Variants in FABP5 observed in about 807,000 individuals in gnomAD.
FABP5 encodes fatty acid-binding protein 5.
In FABP5, 7 loss-of-function variants were observed where a neutral mutation model predicts 16.9. That is an observed-to-expected ratio of 0.41 (90% CI 0.24 to 0.78). The LOEUF is 0.78. Ranked by LOEUF, FABP5 falls within the 30% of genes least tolerant of loss-of-function variation. FABP5 has a pLI of 0.30. For synonymous variants in FABP5, 37 were observed against 52.8 expected (o/e 0.70, Z 1.30); for missense variants, 119 against 159.5 (o/e 0.75, Z 1.37).
rs770055478 is a variant in FABP5 at position 81,283,876 on chromosome 8, G to C, written c.256G>C (p.Val86Leu). 1.2e-5 allele frequency: 20 copies of C among 1,610,564 alleles called. 1 individual carries two copies. In the South Asian group the frequency reaches 1.8e-4, roughly 14 times the overall value. The change falls in exon 3 of 4, where the codon GTC becomes CTC. Residue 86 changes from valine (V) to leucine (L), a missense_variant. Physicochemically the swap from Val to Leu is conservative, Grantham distance 32 (BLOSUM62 1). Transcript: ENST00000297258. ...AACGTTTACTTTGTTTTTGCAGACT[G>C]TCTGCAACTTTACAGATGGTGCATT... ...TTADGRKTQT[V>L]CNFTDGALVQ...
intron 1 of FABP5, among the ~76,000 whole-genome samples, chr8:81,282,167 A>AGTGTGTGTGTGTGTGTGT (rs10700115): frequency 6.8e-6 from 1 of 147,692 alleles, no homozygotes. Context: ...AATAAATAAC[A>AGTGTGTGTGTGTGTGTGT]GTGTGTGTGT....
intron 1 of FABP5, chr8:81,280,923 C>A (rs1034334714): frequency 3.0e-5 from 15 of 497,862 alleles, no homozygotes; most frequent in South Asian, 4.7e-5. Context: ...AGGTGGTCCA[C>A]CCCGTGGTCC....
In FABP5 at chr8:81,280,750, G is replaced by A. The variant is rs975956247; in HGVS notation, c.79+76G>A. 5.1e-6 allele frequency: 7 copies of A among 1,369,500 alleles called. No individual in the cohort carries two copies. In the Admixed American group the frequency reaches 1.4e-4, roughly 28 times the overall value. The allele number at this position is 1,369,500 out of a possible 1,614,324, so 84.8% of individuals were successfully genotyped here. ...TCTGTCCCTAGGTCCCCGTCAGCGTGCCAGATTCTGGGGCAGGAGATGCTC... is the reference window on the plus strand; with the variant it reads ...TCTGTCCCTAGGTCCCCGTCAGCGTACCAGATTCTGGGGCAGGAGATGCTC... On this transcript the variant is annotated intron_variant, in intron 1 of 3. Transcript: ENST00000297258.
rs1453466821 is a variant in FABP5, at chr8:81,281,548, C to T, written c.79+874C>T. 2 of 985,682 alleles carry T rather than the reference C, an allele frequency of 2.0e-6. No homozygotes were observed. The highest frequency in any genetic ancestry group is 1.7e-5 in the African/African-American group (1 of 57,248). The allele number at this position is 985,682 out of a possible 1,614,324, so 61.1% of individuals were successfully genotyped here. A position where few individuals can be genotyped will look rare whatever the true frequency, so the allele number is the denominator to read the frequency against. ...GGGTGAGGAGGAAGGAGGCAGTGGGCTTTGCTGGAAAACCGTAACAGAAAC... is the reference window on the plus strand; with the variant it reads ...GGGTGAGGAGGAAGGAGGCAGTGGGTTTTGCTGGAAAACCGTAACAGAAAC... On this transcript the variant is annotated intron_variant, in intron 1 of 3. Transcript: ENST00000297258. This position sits in a 1 kb window ranked among gnomAD's most constrained non-coding sequence, Gnocchi z 4.5.
chr8:81,281,238 G>T lies in FABP5; in HGVS notation c.79+564G>T, dbSNP rs1008451820. ...ACGCGGTGCTGGCGCGCAGTTTCCC[G>T]CAGAAATCCTGTGGAGGGGTCTGAG... On this transcript the variant is annotated intron_variant, in intron 1 of 3. Coordinates refer to ENST00000297258, the MANE Select transcript of FABP5 (RefSeq NM_001444.3). The surrounding 1 kb of genome is among the most constrained non-coding windows in gnomAD (Gnocchi z 4.5). 5.0e-5 allele frequency: 35 copies of T among 697,336 alleles called. No individual in the cohort carries two copies. In the Admixed American group the frequency reaches 2.1e-3, roughly 41 times the overall value. 43.2% of individuals were successfully genotyped at this position (697,336 alleles called of 1,614,324 possible).
intron 1 of FABP5, among the ~76,000 whole-genome samples, chr8:81,282,431 G>C (rs916010897): frequency 2.6e-5 from 4 of 152,136 alleles, no homozygotes; most frequent in Non-Finnish European, 5.9e-5. Context: ...AAAAGAGAAG[G>C]CTCCAAGGGG....
chr8:81,281,783 A>G lies in FABP5; in HGVS notation c.79+1109A>G, dbSNP rs1431561797. ...GACACTGGATAAATTGCAAACAAAA[A>G]TGGACCTTTGTCACAGGCCACTAGG... On this transcript the variant is annotated intron_variant, in intron 1 of 3. Transcript: ENST00000297258. This position sits in a 1 kb window ranked among gnomAD's most constrained non-coding sequence, Gnocchi z 4.5. 1.6e-6 allele frequency: 1 copy of G among 634,866 alleles called. No individual in the cohort carries two copies. Among genetic ancestry groups the G allele is most frequent in the Admixed American group, 6.3e-5 (1 of 15,836 alleles). The allele number at this position is 634,866 out of a possible 1,614,324, so 39.3% of individuals were successfully genotyped here. A position where few individuals can be genotyped will look rare whatever the true frequency, so the allele number is the denominator to read the frequency against.
chr8:81,280,716 G>T, intron 1 of FABP5, 42 bp downstream of exon 1: 1 of 1,530,822 alleles, frequency 6.5e-7, no homozygotes, highest in Non-Finnish European at 8.9e-7. Context: ...GTGGCGTGTT[G>T]TGCGGTCGTC....
chr8:81,280,748 G>C, intron 1 of FABP5, 74 bp downstream of exon 1: 1 of 1,384,782 alleles, frequency 7.2e-7, no homozygotes, highest in South Asian at 1.3e-5. Context: ...CCCCGTCAGC[G>C]TGCCAGATTC....
In FABP5 at chr8:81,281,143, C is replaced by T. The variant is rs414930; in HGVS notation, c.79+469C>T. The T allele has an allele frequency of 0.76, 127,729 of 167,324 alleles. 53,027 individuals carry two copies. Among genetic ancestry groups the T allele is most frequent in the East Asian group, 1 (5,211 of 5,218 alleles). 10.4% of individuals were successfully genotyped at this position (167,324 alleles called of 1,614,324 possible). On this transcript the variant is annotated intron_variant, in intron 1 of 3. Transcript: ENST00000297258. This position sits in a 1 kb window ranked among gnomAD's most constrained non-coding sequence, Gnocchi z 4.5. ...TTACCCCATCGTGGCAGCACCCACT[C>T]CCCTTTCCCTCCCTGTCGCATCTTT...
chr8:81,282,059 T>C (rs2131267816), intron 1 of FABP5, among the ~76,000 whole-genome samples: 1 of 152,320 alleles, frequency 6.6e-6, no homozygotes, highest in South Asian at 2.1e-4. Flanking sequence ...ATCATGAGTG[T>C]ATTTTTGATA....
chr8:81,282,284 T>C (rs975093583), intron 1 of FABP5, among the ~76,000 whole-genome samples: 2 of 152,088 alleles, frequency 1.3e-5, no homozygotes, highest in Non-Finnish European at 2.9e-5. Flanking sequence ...TCCAGGATTC[T>C]GGAGTCTTGA....
At position 81,283,351 on chromosome 8, in the gene FABP5, CTT is replaced by C. The variant is rs1807864653; in HGVS notation, c.80-14_80-13del. ...TTGGTCTTCCTGTTATTTAACATGA[CTT>C]AACATTCTACAGGAGTGGGAATAGC... On this transcript the variant is annotated splice_polypyrimidine_tract_variant and intron_variant, in intron 1 of 3. Transcript: ENST00000297258. 2 of 1,565,932 alleles carry C rather than the reference CTT, an allele frequency of 1.3e-6. No individual in the cohort carries two copies. The highest frequency in any genetic ancestry group is 2.7e-5 in the African/African-American group (2 of 72,754).
intron 1 of FABP5, chr8:81,283,106 A>T: frequency 3.3e-6 from 1 of 306,794 alleles, no homozygotes; most frequent in Non-Finnish European, 6.0e-6. Context: ...ATCTTGGGCA[A>T]GTTACTTCCG....
chr8:81,280,832 G>C lies in FABP5; in HGVS notation c.79+158G>C, dbSNP rs1807815979. The C allele has an allele frequency of 6.0e-6, 4 of 664,822 alleles. No individual in the cohort carries two copies. In the South Asian group the frequency reaches 7.4e-5, roughly 12 times the overall value. The allele number at this position is 664,822 out of a possible 1,614,324, so 41.2% of individuals were successfully genotyped here. A position where few individuals can be genotyped will look rare whatever the true frequency, so the allele number is the denominator to read the frequency against. On this transcript the variant is annotated intron_variant, in intron 1 of 3. Transcript: ENST00000297258. ...CCACCACGCGGCCGTTGGGTGCAGC[G>C]CGCGCAGCACCACGCGGGCAGGCGG...
At chr8:81,283,650 G>GA (rs2131268897) in intron 2 of FABP5, 112 bp downstream of exon 2, 2 of 1,249,620 alleles carry the variant, frequency 1.6e-6, no homozygotes, top group South Asian at 3.3e-5. Flanking sequence ...TTTATGAATT[G>GA]AATTTTGTCA....
chr8:81,281,073 C>CGAGA lies in FABP5; in HGVS notation c.79+399_79+400insGAGA. The CGAGA allele has an allele frequency of 5.7e-6, 1 of 176,804 alleles. No homozygotes were observed. The highest frequency in any genetic ancestry group is 1.2e-5 in the Non-Finnish European group (1 of 84,346). The allele number at this position is 176,804 out of a possible 1,614,324, so 11.0% of individuals were successfully genotyped here. A position where few individuals can be genotyped will look rare whatever the true frequency, so the allele number is the denominator to read the frequency against. On this transcript the variant is annotated intron_variant, in intron 1 of 3. Transcript: ENST00000297258. This position sits in a 1 kb window ranked among gnomAD's most constrained non-coding sequence, Gnocchi z 4.5. Reference sequence around the variant, plus strand: ...GACCCTGTATTTCCCTTTTTTCCCCCTTTACTCATCCTTCCCCTTCCTGCC... The same window carrying CGAGA: ...GACCCTGTATTTCCCTTTTTTCCCCCGAGATTTACTCATCCTTCCCCTTCCTGCC...
chr8:81,284,266 A>G lies in FABP5; in HGVS notation c.355-248A>G, dbSNP rs199959320. 11 of 531,420 alleles carry G rather than the reference A, an allele frequency of 2.1e-5. No individual in the cohort carries two copies. The East Asian group carries it at 2.9e-4, about 14-fold the overall frequency. The allele number at this position is 531,420 out of a possible 1,614,324, so 32.9% of individuals were successfully genotyped here. ...ACACATTTTTCTATATCTTTAAAAT[A>G]AGGAATATTTGCCATAACCAAAAGA... is the stretch of plus-strand genomic sequence containing the variant. On this transcript the variant is annotated intron_variant, in intron 3 of 3. Transcript: ENST00000297258.
chr8:81,283,847 T>G, intron 2 of FABP5, 26 bp from the exon 3 acceptor site: 1 of 1,579,886 alleles, frequency 6.3e-7, no homozygotes, highest in Middle Eastern at 2.1e-4. Flanking sequence ...ACTTGGAAGA[T>G]TAAAACGTTT....
Sources: gnomAD v4.1 joint callset for allele counts (sites outside exome capture counted in the v4.1 genomes callset) on GRCh38, gnomAD v4.1.1 for gene constraint, Gnocchi (gnomAD v3.1) non-coding constraint, MANE v1.5 for transcripts, NCBI Gene and HGNC (gene_info 2026-07-23, HGNC 2026-07-21) for gene names.